SCML4: variants seen among roughly 807,000 people sequenced by gnomAD.
SCML4 encodes sex comb on midleg-like protein 4.
Under a neutral mutation model 41.1 loss-of-function variants are expected in SCML4, and 34 were observed. The observed-to-expected ratio is 0.83, with a 90% confidence interval of 0.63 to 1.10. The LOEUF is 1.10. SCML4 is among the 50% of genes least tolerant of loss of function. The pLI, the probability that SCML4 is intolerant of heterozygous loss-of-function variation, is 0.00. For synonymous variants in SCML4, 214 were observed against 220.9 expected, an observed-to-expected ratio of 0.97 and a Z score of 0.28; for missense variants, 522 against 534.1, an observed-to-expected ratio of 0.98 and a Z score of 0.22.
At chr6:107,811,236 C>A (rs999457644) in intron 1 of SCML4, among the ~76,000 whole-genome samples, 90 of 152,144 alleles carry the variant, frequency 5.9e-4, no homozygotes, top group Non-Finnish European at 4.4e-5. Context: ...GTTATGGCAG[C>A]CCTAGCAAAC....
chr6:107,834,164 C>T, the SCML4 span, among the ~76,000 whole-genome samples: 1 of 152,134 alleles, frequency 6.6e-6, no homozygotes, highest in Admixed American at 6.5e-5. Flanking sequence ...CAGTTCACCC[C>T]ATAGAACCCA....
chr6:107,810,970 A>G (rs1784118977), intron 1 of SCML4, among the ~76,000 whole-genome samples: 1 of 152,156 alleles, frequency 6.6e-6, no homozygotes, highest in Admixed American at 6.5e-5. Context: ...GAGATACTTA[A>G]GCCTAAATGA....
intron 2 of SCML4, among the ~76,000 whole-genome samples, chr6:107,758,987 T>C (rs1009379422): frequency 1.3e-5 from 2 of 152,074 alleles, no homozygotes; most frequent in African/African-American, 4.8e-5. Flanking sequence ...AAAATAAATA[T>C]GGTGCTAGGC....
intron 1 of SCML4, among the ~76,000 whole-genome samples, chr6:107,809,988 G>A (rs1487437137): frequency 2.6e-5 from 4 of 152,134 alleles, no homozygotes; most frequent in Admixed American, 6.5e-5. Flanking sequence ...ACCTGTGGGC[G>A]TCTCTCTGTG....
intron 2 of SCML4, among the ~76,000 whole-genome samples, chr6:107,763,741 C>CACATGCT (rs1779809899): frequency 6.6e-6 from 1 of 152,176 alleles, no homozygotes; most frequent in African/African-American, 2.4e-5. Flanking sequence ...CTCGCTGTCT[C>CACATGCT]CACCATGTGA....
chr6:107,802,521 G>A (rs532044715), intron 1 of SCML4, among the ~76,000 whole-genome samples: 2 of 151,088 alleles, frequency 1.3e-5, no homozygotes, highest in African/African-American at 2.4e-5. Context: ...GAGAGAGGTG[G>A]GGGCAGAGCA....
chr6:107,750,282 C>T (rs998443832), intron 2 of SCML4, among the ~76,000 whole-genome samples: 1 of 152,202 alleles, frequency 6.6e-6, no homozygotes, highest in African/African-American at 2.4e-5. Context: ...AGAGCAGGAG[C>T]CATTCCTCCA....
At chr6:107,783,971 C>A (rs151333238) in intron 1 of SCML4, among the ~76,000 whole-genome samples, 4 of 152,300 alleles carry the variant, frequency 2.6e-5, no homozygotes, top group African/African-American at 7.2e-5. Flanking sequence ...CACCTCCTGC[C>A]CCTGCCCCTC....
chr6:107,815,109 CAG>C (rs1370696966), intron 1 of SCML4, among the ~76,000 whole-genome samples: 1 of 152,154 alleles, frequency 6.6e-6, no homozygotes, highest in African/African-American at 2.4e-5. Context: ...CTTAATTAAT[CAG>C]AGTGTTCGGG....
At chr6:107,776,890 A>G (rs1201050624) in intron 1 of SCML4, among the ~76,000 whole-genome samples, 1 of 152,272 alleles carries the variant, frequency 6.6e-6, no homozygotes, top group Admixed American at 6.5e-5. Flanking sequence ...ATTTGTATGT[A>G]TATATGTACA....
intron 1 of SCML4, among the ~76,000 whole-genome samples, chr6:107,810,085 C>G (rs1425554519): frequency 1.3e-5 from 2 of 152,144 alleles, no homozygotes; most frequent in East Asian, 1.9e-4. Flanking sequence ...GAGAAGAGCC[C>G]TGGTGCTGGC....
rs4945788 is a variant in SCML4 at position 107,736,077 on chromosome 6, T to A, written c.682+8872A>T. Among the ~76,000 whole-genome samples, 6 of 152,222 alleles carry A rather than the reference T, an allele frequency of 3.9e-5. No individual in the cohort carries two copies. In the South Asian group the frequency reaches 1.0e-3, roughly 26 times the overall value. ...GTTTTGTAGAAATGAGGAAGTTCCC[T>A]GGCAGCTGGAATGATGGGCTGTGCC... On this transcript the variant is annotated intron_variant, in intron 5 of 7. Coordinates refer to ENST00000369020, the MANE Select transcript of SCML4 (RefSeq NM_198081.5).
chr6:107,733,222 G>T (rs771658170), intron 5 of SCML4, among the ~76,000 whole-genome samples: 5 of 152,138 alleles, frequency 3.3e-5, no homozygotes, highest in African/African-American at 4.8e-5. Context: ...AAGTGTTGGG[G>T]GTAATTTATG....
At chr6:107,777,914 C>A (rs927404876) in intron 1 of SCML4, among the ~76,000 whole-genome samples, 1 of 151,912 alleles carries the variant, frequency 6.6e-6, no homozygotes, top group Admixed American at 6.6e-5. Flanking sequence ...TAATTTAACA[C>A]ATCCAAATAT....
intron 6 of SCML4, among the ~76,000 whole-genome samples, chr6:107,716,169 G>A (rs1297806438): frequency 6.6e-6 from 1 of 152,198 alleles, no homozygotes; most frequent in Non-Finnish European, 1.5e-5. Context: ...TTTAAGCAAA[G>A]CACATATAGA....
At chr6:107,714,011 A>C (rs1256908416) in intron 6 of SCML4, among the ~76,000 whole-genome samples, 1 of 152,150 alleles carries the variant, frequency 6.6e-6, no homozygotes, top group Non-Finnish European at 1.5e-5. Context: ...TCCCAGGTTC[A>C]AGTGATTCTC....
intron 7 of SCML4, among the ~76,000 whole-genome samples, chr6:107,706,539 C>T (rs1438005086): frequency 6.6e-6 from 1 of 152,216 alleles, no homozygotes; most frequent in Non-Finnish European, 1.5e-5. Context: ...CGGAATAATG[C>T]TCCTTCCCCT....
intron 1 of SCML4, among the ~76,000 whole-genome samples, chr6:107,812,847 T>C (rs1216076147): frequency 6.7e-6 from 1 of 149,004 alleles, no homozygotes; most frequent in African/African-American, 2.5e-5. Flanking sequence ...TTTGACCAAC[T>C]CCTTATAGTA....
chr6:107,833,829 T>C, the SCML4 span, among the ~76,000 whole-genome samples: 1 of 152,246 alleles, frequency 6.6e-6, no homozygotes, highest in Non-Finnish European at 1.5e-5. Context: ...GGCTTGACCA[T>C]GTCCATGACC....
Sources: gnomAD v4.1 joint callset for allele counts (sites outside exome capture counted in the v4.1 genomes callset) on GRCh38, gnomAD v4.1.1 for gene constraint, MANE v1.5 for transcripts, NCBI Gene and HGNC (gene_info 2026-07-23, HGNC 2026-07-21) for gene names.